The following NPAS3 variants were observed in gnomAD, a reference collection of about 807,000 sequenced individuals.
NPAS3 encodes neuronal PAS domain-containing protein 3.
A neutral mutation model predicts 73.1 loss-of-function variants in NPAS3; 14 were observed. That is an observed-to-expected ratio of 0.19 (90% CI 0.13 to 0.30). The LOEUF (loss-of-function observed/expected upper bound fraction) is 0.30, where lower values mean the gene tolerates loss of function less well. NPAS3 is among the 10% of genes least tolerant of loss of function. The probability of loss-of-function intolerance (pLI) is 1.00; values close to 1 mark genes in which losing one functional copy is unlikely to be tolerated. For synonymous variants in NPAS3, 620 were observed against 541.5 expected, an observed-to-expected ratio of 1.14 and a Z score of -2.01; for missense variants, 1,096 against 1,250.0, an observed-to-expected ratio of 0.88 and a Z score of 1.86.
At chr14:33,736,959 T>A (rs1243865833) in intron 7 of NPAS3, among the ~76,000 whole-genome samples, 2 of 152,244 alleles carry the variant, frequency 1.3e-5, no homozygotes, top group African/African-American at 4.8e-5. Context: ...CACGGCAATA[T>A]GCTGGGCATG....
Position 33,427,027 on chromosome 14 carries a change from G to A in NPAS3, c.468+59759G>A, listed in dbSNP as rs569500390. ...TTTTACAGGCATGATTTTGTAGGCC[G>A]TGCACAATCTTGGTAAGCCATATGT... On this transcript the variant is annotated intron_variant, in intron 4 of 11. Transcript: ENST00000356141. Among the ~76,000 whole-genome samples, 13 of 152,088 alleles carry A rather than the reference G, an allele frequency of 8.5e-5. No individual in the cohort carries two copies. The South Asian group carries it at 1.9e-3, about 22-fold the overall frequency.
chr14:33,000,570 C>T (rs879832786), intron 1 of NPAS3, among the ~76,000 whole-genome samples: 13 of 151,928 alleles, frequency 8.6e-5, no homozygotes, highest in African/African-American at 1.9e-4. Context: ...GCACTGACAG[C>T]GTAGGGCAAT....
At chr14:33,733,477 T>C (rs1258230724) in intron 6 of NPAS3, among the ~76,000 whole-genome samples, 3 of 152,298 alleles carry the variant, frequency 2.0e-5, no homozygotes, top group Non-Finnish European at 2.9e-5. Context: ...CTCTCTGCTT[T>C]TGATTAAAAC....
At chr14:33,120,788 G>A (rs997932377) in intron 2 of NPAS3, among the ~76,000 whole-genome samples, 4 of 152,122 alleles carry the variant, frequency 2.6e-5, no homozygotes, top group African/African-American at 9.6e-5. Flanking sequence ...AAGGCTATGA[G>A]CCTCAAAATT....
intron 4 of NPAS3, among the ~76,000 whole-genome samples, chr14:33,482,010 CT>C (rs2051349678): frequency 6.8e-6 from 1 of 147,858 alleles, no homozygotes; most frequent in Admixed American, 6.7e-5. Context: ...ATGAAGACTG[CT>C]TTTGAAAACA....
chr14:33,443,386 T>G (rs529686541), intron 4 of NPAS3, among the ~76,000 whole-genome samples: 80 of 152,352 alleles, frequency 5.3e-4, no homozygotes, highest in Non-Finnish European at 9.7e-4. Context: ...TTTAATAAAA[T>G]GTTCCAAAGA....
chr14:33,072,204 T>G (rs2041509771), intron 2 of NPAS3, among the ~76,000 whole-genome samples: 1 of 152,228 alleles, frequency 6.6e-6, no homozygotes, highest in Non-Finnish European at 1.5e-5. Flanking sequence ...TTCTGTGTTT[T>G]TAAAAGTGTC....
chr14:33,395,499 T>A (rs61972754), intron 4 of NPAS3, among the ~76,000 whole-genome samples: 1 of 151,976 alleles, frequency 6.6e-6, no homozygotes, highest in Non-Finnish European at 1.5e-5. Flanking sequence ...ATACTAAATA[T>A]AAACATGAAT....
chr14:33,043,300 G>C (rs567953715), intron 1 of NPAS3, among the ~76,000 whole-genome samples: 1 of 152,038 alleles, frequency 6.6e-6, no homozygotes, highest in East Asian at 1.9e-4. Flanking sequence ...TATACTAAAC[G>C]ATAATTCAGT....
intron 7 of NPAS3, among the ~76,000 whole-genome samples, chr14:33,744,660 C>T (rs1018696200): frequency 2.0e-5 from 3 of 152,042 alleles, no homozygotes; most frequent in African/African-American, 7.2e-5. Flanking sequence ...CATAGTGGTG[C>T]CTGCCTGTGG....
intron 6 of NPAS3, among the ~76,000 whole-genome samples, chr14:33,678,660 GTTAAA>G (rs1208602293): frequency 1.3e-5 from 2 of 151,460 alleles, no homozygotes; most frequent in South Asian, 4.2e-4. Context: ...GCAGCCTGAG[GTTAAA>G]TTTGGTCTTC....
At chr14:33,535,412 A>C (rs2054218659) in intron 4 of NPAS3, among the ~76,000 whole-genome samples, 1 of 152,176 alleles carries the variant, frequency 6.6e-6, no homozygotes, top group Non-Finnish European at 1.5e-5. Context: ...AATGTGGCAA[A>C]CCTTTTGGTT....
In NPAS3 at chr14:33,252,053, GTGTC is replaced by G. The variant is rs1335377572; in HGVS notation, c.385+36631_385+36634del. Among the ~76,000 whole-genome samples, 274 of 85,798 alleles carry G rather than the reference GTGTC, an allele frequency of 3.2e-3. 1 individual carries two copies. The highest frequency in any genetic ancestry group is 9.9e-3 in the African/African-American group (256 of 25,942). The allele number at this position is 85,798 out of a possible 152,430, so 56.3% of individuals were successfully genotyped here. On this transcript the variant is annotated intron_variant, in intron 3 of 11. Transcript: ENST00000356141. The stretch of plus-strand genomic sequence containing the variant: ...CTTTCGTGGGTGTTTGCGTGTGTGT[GTGTC>G]TGTGTGTGTGTGTGTGTGTGTGTGT...
chr14:33,438,245 A>G (rs2049077718), intron 4 of NPAS3, among the ~76,000 whole-genome samples: 1 of 152,216 alleles, frequency 6.6e-6, no homozygotes, highest in Non-Finnish European at 1.5e-5. Context: ...GATGACATGC[A>G]TTGCAGTGAG....
At chr14:33,760,066 T>C (rs2062235417) in intron 7 of NPAS3, among the ~76,000 whole-genome samples, 1 of 152,140 alleles carries the variant, frequency 6.6e-6, no homozygotes, top group Non-Finnish European at 1.5e-5. Context: ...CCCCAAGATG[T>C]TTTGCCATCC....
At chr14:33,187,166 C>A (rs1034433375) in intron 2 of NPAS3, among the ~76,000 whole-genome samples, 1 of 152,140 alleles carries the variant, frequency 6.6e-6, no homozygotes, top group Non-Finnish European at 1.5e-5. Flanking sequence ...TAAAGAGCAT[C>A]CTTTCTCAGA....
intron 3 of NPAS3, among the ~76,000 whole-genome samples, chr14:33,352,052 A>C (rs1193443170): frequency 6.6e-6 from 1 of 152,072 alleles, no homozygotes; most frequent in Non-Finnish European, 1.5e-5. Flanking sequence ...TTAAAAAAAA[A>C]ACATCTGCGG....
intron 4 of NPAS3, among the ~76,000 whole-genome samples, chr14:33,392,417 G>A (rs549149178): frequency 1.6e-4 from 25 of 152,224 alleles, no homozygotes; most frequent in African/African-American, 5.8e-4. Flanking sequence ...AGTAAATGAT[G>A]AATATAGGAT....
At chr14:33,554,163 G>A (rs144251911) in intron 4 of NPAS3, among the ~76,000 whole-genome samples, 3 of 152,182 alleles carry the variant, frequency 2.0e-5, no homozygotes, top group Non-Finnish European at 4.4e-5. Context: ...CATTGCTTAC[G>A]GAATGGAGGC....
Sources: allele counts gnomAD v4.1 joint callset (sites outside exome capture counted in the v4.1 genomes callset), GRCh38; gene constraint gnomAD v4.1.1; transcripts MANE v1.5; gene names NCBI Gene and HGNC (gene_info 2026-07-23, HGNC 2026-07-21).